Variants in GPD2 observed in about 807,000 individuals in gnomAD.
The protein encoded by GPD2 is glycerol-3-phosphate dehydrogenase, mitochondrial.
In GPD2, 54 loss-of-function variants were observed where a neutral mutation model predicts 82.4. That is an observed-to-expected ratio of 0.66 (90% CI 0.53 to 0.82). The LOEUF (loss-of-function observed/expected upper bound fraction) is 0.82, where lower values mean the gene tolerates loss of function less well. Ranked by LOEUF, GPD2 falls within the 40% of genes least tolerant of loss-of-function variation. The pLI is 0.00. For missense variants in GPD2, 748 were observed against 896.2 expected (o/e 0.83, Z 2.11); for synonymous variants, 288 against 306.1 (o/e 0.94, Z 0.62).
At chr2:156,474,896 C>T (rs1048611649) in intron 1 of GPD2, among the ~76,000 whole-genome samples, 1 of 149,784 alleles carries the variant, frequency 6.7e-6, no homozygotes, top group Admixed American at 6.7e-5. Context: ...TAGGAGATTG[C>T]TTGAGTCCAG....
intron 8 of GPD2, among the ~76,000 whole-genome samples, chr2:156,556,083 A>AT (rs1686951517): frequency 6.6e-6 from 1 of 152,084 alleles, no homozygotes; most frequent in African/African-American, 2.4e-5. Context: ...TATTATCATT[A>AT]TTTTTTACAC....
chr2:156,578,993 C>A lies in GPD2; in HGVS notation c.1872C>A (p.Asp624Glu). The A allele has an allele frequency of 6.3e-7, 1 of 1,588,848 alleles. No individual in the cohort carries two copies. The highest frequency in any genetic ancestry group is 8.6e-7 in the Non-Finnish European group (1 of 1,157,228). The change falls in exon 14 of 17, where the codon GAC (aspartate) becomes GAA (glutamate). Residue 624 changes from aspartate to glutamate, a missense_variant. This residue lies in a region of GPD2 where 692 missense variants were observed against 809.7 expected (regional missense o/e 0.85). Coordinates refer to ENST00000438166, the MANE Select transcript of GPD2 (RefSeq NM_000408.5). ...DRSEISLLPS[D>E]IDRYKKRFHK... The stretch of plus-strand genomic sequence containing the variant: ...CTGAAATTAGCCTACTGCCTTCAGA[C>A]ATTGACAGGTACTTATAATAAGTGT...
intron 6 of GPD2, among the ~76,000 whole-genome samples, chr2:156,528,443 T>A (rs929908829): frequency 6.6e-6 from 1 of 151,410 alleles, no homozygotes; most frequent in Non-Finnish European, 1.5e-5. Flanking sequence ...TTATTTATTT[T>A]TATTATTATT....
At chr2:156,561,039 G>GTTTTTTTTTTT (rs1491213527) in intron 9 of GPD2, among the ~76,000 whole-genome samples, 21 of 19,490 alleles carry the variant, frequency 1.1e-3, no homozygotes, top group East Asian at 2.1e-3. Context: ...GTGACATTAA[G>GTTTTTTTTTTT]CTTTTTTTTT....
intron 7 of GPD2, 126 bp downstream of exon 7, chr2:156,549,898 T>C: frequency 1.2e-6 from 1 of 811,860 alleles, no homozygotes. Flanking sequence ...ATTAATTATA[T>C]TCGTTATTGT....
chr2:156,418,357 T>A, the GPD2 span, among the ~76,000 whole-genome samples: 4 of 150,964 alleles, frequency 2.6e-5, no homozygotes, highest in Non-Finnish European at 5.9e-5. Context: ...GCTACTACAC[T>A]CCGGCCTGGG....
chr2:156,507,800 G>T (rs1052211602), intron 3 of GPD2, among the ~76,000 whole-genome samples: 9 of 152,166 alleles, frequency 5.9e-5, no homozygotes, highest in Non-Finnish European at 1.2e-4. Context: ...TCTGAGATCT[G>T]CCTTGCCCAT....
chr2:156,492,650 T>C (rs1035860447), intron 2 of GPD2, among the ~76,000 whole-genome samples: 2 of 151,912 alleles, frequency 1.3e-5, no homozygotes, highest in African/African-American at 4.8e-5. Flanking sequence ...GTGAAGGCCT[T>C]TGGGAGAATA....
chr2:156,544,673 A>C (rs1438612884), intron 6 of GPD2, among the ~76,000 whole-genome samples: 1 of 152,146 alleles, frequency 6.6e-6, no homozygotes, highest in East Asian at 1.9e-4. Context: ...TGAGATCTTG[A>C]AAGGGATAGG....
Position 156,579,085 on chromosome 2 carries a change from G to T in GPD2, c.1881-1G>T. On this transcript the variant is annotated splice_acceptor_variant, in intron 14 of 16. Transcript: ENST00000438166. LOFTEE classifies it high-confidence loss of function. ...TTCCATTATTTAATCTTGTGTTCCA[G>T]GTATAAGAAGAGATTTCATAAGTTT... 1 of 1,597,078 alleles carries T rather than the reference G, an allele frequency of 6.3e-7. No individual in the cohort carries two copies. Among genetic ancestry groups the T allele is most frequent in the Non-Finnish European group, 8.6e-7 (1 of 1,165,000 alleles).
At chr2:156,520,557 ATTGTTATTTAT>A (rs1473850780) in intron 6 of GPD2, among the ~76,000 whole-genome samples, 3 of 128,436 alleles carry the variant, frequency 2.3e-5, no homozygotes, top group Non-Finnish European at 4.7e-5. Context: ...AATTATTTTT[ATTGTTATTTAT>A]TTATTTATTT....
intron 1 of GPD2, among the ~76,000 whole-genome samples, chr2:156,458,729 G>T (rs1682873010): frequency 6.6e-6 from 1 of 152,296 alleles, no homozygotes; most frequent in Non-Finnish European, 1.5e-5. Flanking sequence ...TTGGTCAAAT[G>T]TCAGCTATCC....
chr2:156,487,669 G>T (rs1041015907), intron 2 of GPD2, among the ~76,000 whole-genome samples: 5 of 152,218 alleles, frequency 3.3e-5, no homozygotes, highest in Non-Finnish European at 7.3e-5. Flanking sequence ...AATGTTAGGG[G>T]TGTGAGCTGG....
At position 156,584,327 on chromosome 2, in the gene GPD2, CTT is replaced by C. The variant is rs981273416; in HGVS notation, c.*1411_*1412del. Reference sequence around the variant, plus strand: ...TCTGTATCTAATAGGAGATGTAACACTTTATTTCATGGCAGGTTTTTATTGCA... The same window carrying C: ...TCTGTATCTAATAGGAGATGTAACACTATTTCATGGCAGGTTTTTATTGCA... On this transcript the variant is annotated 3_prime_UTR_variant, in exon 17 of 17. Coordinates refer to ENST00000438166, the MANE Select transcript of GPD2 (RefSeq NM_000408.5). 6.6e-6 allele frequency: 1 copy of C among 151,958 alleles called. No homozygotes were observed. The highest frequency in any genetic ancestry group is 1.5e-5 in the Non-Finnish European group (1 of 67,958). 9.4% of individuals were successfully genotyped at this position (151,958 alleles called of 1,614,324 possible).
chr2:156,561,835 C>T (rs953085978), intron 9 of GPD2, among the ~76,000 whole-genome samples: 2 of 152,154 alleles, frequency 1.3e-5, no homozygotes, highest in African/African-American at 4.8e-5. Context: ...ACACTCCATG[C>T]TATTCACAGC....
In GPD2 at chr2:156,538,820, C is replaced by CAAA. The variant is rs34693625; in HGVS notation, c.662-10772_662-10770dup. On this transcript the variant is annotated intron_variant, in intron 6 of 16. Transcript: ENST00000438166. ...TGTGCAACAGAGCAAGACTGCATCT[C>CAAA]AAAAAAAAAAAAAAAAAAGATCAGG... Among the ~76,000 whole-genome samples, 75 of 109,758 alleles carry CAAA rather than the reference C, an allele frequency of 6.8e-4. 1 individual carries two copies. Among genetic ancestry groups the CAAA allele is most frequent in the East Asian group, 7.5e-4 (3 of 4,018 alleles). The allele number at this position is 109,758 out of a possible 152,430, so 72.0% of individuals were successfully genotyped here. A position where few individuals can be genotyped will look rare whatever the true frequency, so the allele number is the denominator to read the frequency against.
intron 6 of GPD2, among the ~76,000 whole-genome samples, chr2:156,540,441 A>T (rs1686262763): frequency 6.6e-6 from 1 of 152,206 alleles, no homozygotes. Flanking sequence ...TGCAAAGCTT[A>T]CAAGATAGGA....
intron 6 of GPD2, 88 bp from the exon 7 acceptor site, chr2:156,549,520 T>G: frequency 6.2e-6 from 7 of 1,126,618 alleles, no homozygotes; most frequent in Non-Finnish European, 9.5e-6. Context: ...GGGACAGATG[T>G]GACATATCTG....
chr2:156,422,120 A>C, the GPD2 span, among the ~76,000 whole-genome samples: 1 of 152,130 alleles, frequency 6.6e-6, no homozygotes, highest in Admixed American at 6.5e-5. Flanking sequence ...GAGTGAGAAA[A>C]GTATTTAAAA....
Sources: gnomAD v4.1 joint callset for allele counts (sites outside exome capture counted in the v4.1 genomes callset) on GRCh38, gnomAD v4.1.1 for gene constraint, gnomAD v4.1.1 regional missense constraint, MANE v1.5 for transcripts, NCBI Gene and HGNC (gene_info 2026-07-23, HGNC 2026-07-21) for gene names.